UBR3: variants seen among roughly 807,000 people sequenced by gnomAD.
The protein encoded by UBR3 is E3 ubiquitin-protein ligase UBR3.
A neutral mutation model predicts 243.2 loss-of-function variants in UBR3; 85 were observed. That is an observed-to-expected ratio of 0.35 (90% CI 0.29 to 0.42). The LOEUF is 0.42. UBR3 is among the 10% of genes least tolerant of loss of function. The pLI, the probability that UBR3 is intolerant of heterozygous loss-of-function variation, is 1.00. For synonymous variants in UBR3, 748 were observed against 799.8 expected (o/e 0.94, Z 1.09); for missense variants, 1,686 against 2,300.8 (o/e 0.73, Z 5.47).
chr2:169,984,860 ATT>A (rs2088923599), intron 24 of UBR3, among the ~76,000 whole-genome samples: 1 of 152,138 alleles, frequency 6.6e-6, no homozygotes, highest in Non-Finnish European at 1.5e-5. Context: ...GAGTTCACCT[ATT>A]TTATTTTCAT....
intron 1 of UBR3, among the ~76,000 whole-genome samples, chr2:169,832,831 G>T (rs1413725442): frequency 1.3e-5 from 2 of 151,850 alleles, no homozygotes; most frequent in East Asian, 3.9e-4. Flanking sequence ...TACTCTGGAG[G>T]CTGAGACAGG....
intron 32 of UBR3, among the ~76,000 whole-genome samples, chr2:170,050,874 G>A (rs1477584195): frequency 6.6e-6 from 1 of 152,138 alleles, no homozygotes; most frequent in African/African-American, 2.4e-5. Flanking sequence ...TAAATTGCCA[G>A]TTAATCATCC....
rs1318068737 is a variant in UBR3, at chr2:170,017,564, C to G, written c.4453+2198C>G. Among the ~76,000 whole-genome samples the G allele has an allele frequency of 2.8e-4, 39 of 140,246 alleles. No homozygotes were observed. The South Asian group carries it at 8.3e-3, about 30-fold the overall frequency. 92.0% of individuals were successfully genotyped at this position (140,246 alleles called of 152,430 possible). A position where few individuals can be genotyped will look rare whatever the true frequency, so the allele number is the denominator to read the frequency against. Reference sequence around the variant, plus strand: ...ACACACAGACACACACACACACACACACACACACACACACACACAGGGGGA... The same window carrying G: ...ACACACAGACACACACACACACACAGACACACACACACACACACAGGGGGA... On this transcript the variant is annotated intron_variant, in intron 30 of 38. Transcript: ENST00000272793.
chr2:169,869,836 C>T (rs2083381599), intron 1 of UBR3, among the ~76,000 whole-genome samples: 1 of 152,088 alleles, frequency 6.6e-6, no homozygotes, highest in Non-Finnish European at 1.5e-5. Context: ...TGTTCATGAC[C>T]TTGCTTGATT....
rs376035332 is a variant in UBR3, at chr2:169,878,535, C to T, written c.999C>T (p.Gly333=). The T allele has an allele frequency of 5.3e-4, 826 of 1,551,068 alleles. No homozygotes were observed. The highest frequency in any genetic ancestry group is 1.8e-3 in the African/African-American group (133 of 73,112). ...TSSLAVQGFI[G]ATGTLGQVDS... ...TCTTCTCCTCCAAAGGTTTCATAGG[C>T]GCAACAGGAACTTTGGGACAAGTGG... Residue 333 remains glycine, a synonymous_variant, in exon 5 of 39, where the codon GGC becomes GGT. Coordinates refer to ENST00000272793, the MANE Select transcript of UBR3 (RefSeq NM_172070.4).
intron 29 of UBR3, among the ~76,000 whole-genome samples, chr2:170,010,090 A>G (rs1385687365): frequency 6.6e-6 from 1 of 152,212 alleles, no homozygotes; most frequent in Non-Finnish European, 1.5e-5. Context: ...TGGATTGGAA[A>G]GTAACTTTGT....
At position 169,836,054 on chromosome 2, in the gene UBR3, TATATATATA is replaced by T. The variant is rs1558998827; in HGVS notation, c.545+8003_545+8011del. On this transcript the variant is annotated intron_variant, in intron 1 of 38. Coordinates refer to ENST00000272793, the MANE Select transcript of UBR3 (RefSeq NM_172070.4). ...CTCTCTCTCTCTCTCTATATATATA[TATATATATA>T]TATATTTTTTTTTTTTTTTTTTTTT... 1.6e-4 allele frequency among the ~76,000 whole-genome samples: 8 copies of T among 49,596 alleles called. 1 individual carries two copies. The highest frequency in any genetic ancestry group is 4.1e-4 in the African/African-American group (7 of 17,218). 32.5% of individuals were successfully genotyped at this position (49,596 alleles called of 152,430 possible). A position where few individuals can be genotyped will look rare whatever the true frequency, so the allele number is the denominator to read the frequency against.
At chr2:169,931,787 G>A (rs894397231) in intron 18 of UBR3, among the ~76,000 whole-genome samples, 6 of 151,734 alleles carry the variant, frequency 4.0e-5, no homozygotes, top group South Asian at 2.1e-4. Context: ...CTTCCTAAGC[G>A]TGATTATTAG....
chr2:169,946,301 AT>A lies in UBR3; in HGVS notation c.2820del (p.Gln941LysfsTer14). The A allele has an allele frequency of 6.7e-7, 1 of 1,493,302 alleles. No homozygotes were observed. Among genetic ancestry groups the A allele is most frequent in the Non-Finnish European group, 8.9e-7 (1 of 1,122,158 alleles). 92.5% of individuals were successfully genotyped at this position (1,493,302 alleles called of 1,614,324 possible). A position where few individuals can be genotyped will look rare whatever the true frequency, so the allele number is the denominator to read the frequency against. ...FTLLYKILMD[H>X]QNLSEHVLCM... ...CCCTTTTTAAAGATTTTGATGGATC[AT>A]CAAAATCTGTCAGAACATGTACTCT... On this transcript the variant is annotated frameshift_variant, in exon 21 of 39. Transcript: ENST00000272793. LOFTEE classifies it high-confidence loss of function.
chr2:170,083,098 C>A lies in UBR3; in HGVS notation c.*1255C>A, dbSNP rs1395066744. The A allele has an allele frequency of 6.6e-6, 1 of 152,370 alleles. No individual in the cohort carries two copies. Among genetic ancestry groups the A allele is most frequent in the Non-Finnish European group, 1.5e-5 (1 of 67,964 alleles). The allele number at this position is 152,370 out of a possible 1,614,324, so 9.4% of individuals were successfully genotyped here. A position where few individuals can be genotyped will look rare whatever the true frequency, so the allele number is the denominator to read the frequency against. On this transcript the variant is annotated 3_prime_UTR_variant, in exon 39 of 39. Transcript: ENST00000272793. Reference sequence around the variant, plus strand: ...TAATATATAGTGCTATCAAGCAATCCCTGGTACTTTGGACTTCCATGGCTT... The same window carrying A: ...TAATATATAGTGCTATCAAGCAATCACTGGTACTTTGGACTTCCATGGCTT...
chr2:170,035,397 T>C lies in UBR3; in HGVS notation c.4557-5485T>C, dbSNP rs143689065. Among the ~76,000 whole-genome samples the C allele has an allele frequency of 3.7e-3, 565 of 152,162 alleles. 3 individuals are homozygous for C. Among genetic ancestry groups the C allele is most frequent in the African/African-American group, 0.013 (530 of 41,572 alleles). ...TGTGCATGTGAATGTCCAGTTGTTCTAGCACCATTTGTTGAAAAGACTGTG... is the reference window on the plus strand; with the variant it reads ...TGTGCATGTGAATGTCCAGTTGTTCCAGCACCATTTGTTGAAAAGACTGTG... On this transcript the variant is annotated intron_variant, in intron 31 of 38. Coordinates refer to ENST00000272793, the MANE Select transcript of UBR3 (RefSeq NM_172070.4).
At position 169,905,217 on chromosome 2, in the gene UBR3, T is replaced by C. The variant is rs1214388116; in HGVS notation, c.1569T>C (p.His523=). 4.5e-6 allele frequency: 7 copies of C among 1,542,642 alleles called. No homozygotes were observed. The South Asian group carries it at 8.6e-5, about 19-fold the overall frequency. ...GTGATTTTATTAATATTCTTTCTCA[T>C]CAAAGTGTGGCCAAGAGATTTTTGG... The part of the protein sequence containing the change: ...LVSDFINILS[H]QSVAKRFLED... The change falls in exon 9 of 39, where the codon CAT becomes CAC. Residue 523 remains histidine, a synonymous_variant. Transcript: ENST00000272793.
intron 1 of UBR3, among the ~76,000 whole-genome samples, chr2:169,857,182 T>C (rs1422276973): frequency 1.3e-5 from 2 of 148,996 alleles, no homozygotes; most frequent in South Asian, 4.3e-4. Context: ...TGAGTGATTC[T>C]TGTGCCTCAG....
At chr2:169,961,118 T>C (rs1445851756) in intron 24 of UBR3, among the ~76,000 whole-genome samples, 1 of 152,122 alleles carries the variant, frequency 6.6e-6, no homozygotes, top group Non-Finnish European at 1.5e-5. Context: ...TGTGCCTTTA[T>C]GATATCTCTA....
At chr2:169,948,987 TCA>T (rs932433486) in intron 22 of UBR3, among the ~76,000 whole-genome samples, 4 of 151,740 alleles carry the variant, frequency 2.6e-5, no homozygotes, top group Non-Finnish European at 4.4e-5. Flanking sequence ...AAATCACAAA[TCA>T]CAGTTTTAAT....
Position 169,827,464 on chromosome 2 carries a change from G to A in UBR3, c.-44G>A, listed in dbSNP as rs1037143735. The A allele has an allele frequency of 1.6e-6, 2 of 1,219,316 alleles. No individual in the cohort carries two copies. Among genetic ancestry groups the A allele is most frequent in the Non-Finnish European group, 2.0e-6 (2 of 979,942 alleles). 75.5% of individuals were successfully genotyped at this position (1,219,316 alleles called of 1,614,324 possible). On this transcript the variant is annotated 5_prime_UTR_variant, in exon 1 of 39. Coordinates refer to ENST00000272793, the MANE Select transcript of UBR3 (RefSeq NM_172070.4). ...GCAGTCTATTCCCTCACTCTCCCTG[G>A]AGGAGCCGCTGGCCCTGGACTCTCC...
chr2:169,952,119 A>C (rs901227985), intron 23 of UBR3, among the ~76,000 whole-genome samples: 3 of 152,200 alleles, frequency 2.0e-5, no homozygotes, highest in African/African-American at 7.2e-5. Flanking sequence ...ATATGGGAGA[A>C]GGTTTACAGT....
chr2:169,848,293 T>A (rs1353901077), intron 1 of UBR3, among the ~76,000 whole-genome samples: 1 of 152,090 alleles, frequency 6.6e-6, no homozygotes, highest in Middle Eastern at 3.4e-3. Flanking sequence ...AATTTACTTA[T>A]GTTAATAAAG....
At chr2:170,041,451 C>CT (rs1290229874) in intron 32 of UBR3, among the ~76,000 whole-genome samples, 1 of 152,004 alleles carries the variant, frequency 6.6e-6, no homozygotes, top group East Asian at 1.9e-4. Context: ...GCCTTAGTGC[C>CT]TTTATCTATG....
Sources: gnomAD v4.1 joint callset for allele counts (sites outside exome capture counted in the v4.1 genomes callset) on GRCh38, gnomAD v4.1.1 for gene constraint, MANE v1.5 for transcripts, NCBI Gene and HGNC (gene_info 2026-07-23, HGNC 2026-07-21) for gene names.